PDE6H: variants seen among roughly 807,000 people sequenced by gnomAD.
PDE6H encodes the protein phosphodiesterase 6H, also known as retinal cone rhodopsin-sensitive cGMP 3',5'-cyclic phosphodiesterase subunit gamma.
PDE6H carries 11 observed loss-of-function variants against 9.2 expected under a neutral mutation model. The ratio of observed to expected loss-of-function variants is 1.19; its 90% confidence interval spans 0.75 to 1.97. The LOEUF (loss-of-function observed/expected upper bound fraction) is 1.97, where lower values mean the gene tolerates loss of function less well. PDE6H is among the 30% of genes most tolerant of loss of function. PDE6H has a pLI of 0.00. For synonymous variants in PDE6H, 36 were observed against 33.6 expected (o/e 1.07, Z -0.25); for missense variants, 98 against 101.5 (o/e 0.97, Z 0.15).
intron 1 of PDE6H, among the ~76,000 whole-genome samples, chr12:14,976,955 A>C (rs1310980652): frequency 6.6e-6 from 1 of 152,214 alleles, no homozygotes; most frequent in East Asian, 1.9e-4. Flanking sequence ...TATCTTTTTC[A>C]ATAATTTTCT....
At chr12:14,978,879 T>G (rs1399095058) in intron 2 of PDE6H, among the ~76,000 whole-genome samples, 1 of 152,214 alleles carries the variant, frequency 6.6e-6, no homozygotes, top group Non-Finnish European at 1.5e-5. Context: ...CTTTCTCATT[T>G]CAATTTTTAT....
intron 1 of PDE6H, among the ~76,000 whole-genome samples, chr12:14,976,466 T>C (rs370563653): frequency 6.6e-6 from 1 of 152,160 alleles, no homozygotes; most frequent in East Asian, 1.9e-4. Flanking sequence ...GAATATGCAG[T>C]GTGGCCAGTA....
intron 2 of PDE6H, among the ~76,000 whole-genome samples, chr12:14,978,792 A>G (rs898319756): frequency 3.3e-5 from 5 of 152,256 alleles, no homozygotes; most frequent in Admixed American, 6.5e-5. Context: ...TGCCTGGTAT[A>G]TAATAGATGC....
At chr12:14,979,050 G>C in intron 2 of PDE6H, 129 bp from the exon 3 acceptor site, 1 of 715,428 alleles carries the variant, frequency 1.4e-6, no homozygotes, top group Non-Finnish European at 2.5e-6. Flanking sequence ...GCAAACTAAA[G>C]GAGTTTCTCA....
chr12:14,980,058 C>A (rs1400505555), intron 3 of PDE6H, among the ~76,000 whole-genome samples: 1 of 152,010 alleles, frequency 6.6e-6, no homozygotes, highest in Non-Finnish European at 1.5e-5. Flanking sequence ...TACCATGTAC[C>A]CACCATTATA....
In PDE6H at chr12:14,978,107, G is replaced by A. The variant is rs752287362; in HGVS notation, c.95G>A (p.Arg32His). The change falls in exon 2 of 4, where the codon CGC becomes CAC. Residue 32 changes from arginine to histidine, a missense_variant. Coordinates refer to ENST00000266395, the MANE Select transcript of PDE6H (RefSeq NM_006205.3). ...CCCAAGTTCAAGCAGAGGCAGACTC[G>A]CCAATTCAAGAGTAAACCTCCAAAG... ...GPPKFKQRQTRQFKSKPPKKG... is the reference protein window; with the variant it reads ...GPPKFKQRQTHQFKSKPPKKG... 19 of 1,613,544 alleles carry A rather than the reference G, an allele frequency of 1.2e-5. No homozygotes were observed. In the Admixed American group the frequency reaches 1.3e-4, roughly 11 times the overall value.
intron 1 of PDE6H, among the ~76,000 whole-genome samples, 169 bp from the exon 2 acceptor site, chr12:14,977,803 T>G (rs1864618106): frequency 6.6e-6 from 1 of 152,228 alleles, no homozygotes; most frequent in Non-Finnish European, 1.5e-5. Context: ...ATACTCTGTT[T>G]TCTTAAAGAT....
chr12:14,981,217 G>A (rs1166193319), intron 3 of PDE6H, among the ~76,000 whole-genome samples, 183 bp from the exon 4 acceptor site: 1 of 152,232 alleles, frequency 6.6e-6, no homozygotes, highest in Non-Finnish European at 1.5e-5. Flanking sequence ...GAGATGCCTG[G>A]TGCAACAATT....
intron 1 of PDE6H, among the ~76,000 whole-genome samples, chr12:14,976,985 T>C (rs545066637): frequency 2.0e-5 from 3 of 152,384 alleles, no homozygotes; most frequent in Admixed American, 6.5e-5. Flanking sequence ...ATTTGAAGAA[T>C]GGCAATGTGC....
rs1205871097 is a variant in PDE6H, at chr12:14,978,004, G to A, written c.-9G>A. 4.3e-6 allele frequency: 7 copies of A among 1,613,060 alleles called. No homozygotes were observed. The highest frequency in any genetic ancestry group is 1.7e-5 in the Admixed American group (1 of 60,000). On this transcript the variant is annotated 5_prime_UTR_variant, in exon 2 of 4. Coordinates refer to ENST00000266395, the MANE Select transcript of PDE6H (RefSeq NM_006205.3). ...AAAGGGAAACATCAGCCGCCCGGGG[G>A]GAGTTAAAATGAGTGACAACACTAC...
intron 3 of PDE6H, 145 bp downstream of exon 3, chr12:14,979,364 T>C: frequency 1.4e-6 from 1 of 695,362 alleles, no homozygotes; most frequent in Non-Finnish European, 2.6e-6. Context: ...GGGATTTAAT[T>C]TACCCTCGAA....
chr12:14,977,184 T>G (rs1373414966), intron 1 of PDE6H, among the ~76,000 whole-genome samples: 1 of 152,244 alleles, frequency 6.6e-6, no homozygotes, highest in Non-Finnish European at 1.5e-5. Context: ...TATTAAGATG[T>G]GTTGAATATA....
At chr12:14,977,947 T>C (rs932359218) in intron 1 of PDE6H, 25 bp from the exon 2 acceptor site, 2 of 1,502,856 alleles carry the variant, frequency 1.3e-6, no homozygotes, top group East Asian at 2.3e-5. Flanking sequence ...AAAGATCTTC[T>C]TTTTTTTATC....
In PDE6H at chr12:14,981,702, C is replaced by T. The variant is rs1864687869; in HGVS notation, c.*226C>T. ...TTCAAACTTGACCACCTTTTCCTACCAGCTAGTTAGAAGTCATCAATATTT... is the reference window on the plus strand; with the variant it reads ...TTCAAACTTGACCACCTTTTCCTACTAGCTAGTTAGAAGTCATCAATATTT... On this transcript the variant is annotated 3_prime_UTR_variant, in exon 4 of 4. Transcript: ENST00000266395. 5.0e-6 allele frequency: 3 copies of T among 604,474 alleles called. No individual in the cohort carries two copies. The highest frequency in any genetic ancestry group is 8.9e-6 in the Non-Finnish European group (3 of 338,186). 37.4% of individuals were successfully genotyped at this position (604,474 alleles called of 1,614,324 possible). A position where few individuals can be genotyped will look rare whatever the true frequency, so the allele number is the denominator to read the frequency against.
At chr12:14,978,235 T>A in intron 2 of PDE6H, 89 bp downstream of exon 2, 2 of 1,193,764 alleles carry the variant, frequency 1.7e-6, no homozygotes, top group African/African-American at 1.5e-5. Flanking sequence ...CTCACAATAT[T>A]AAACAGACTT....
intron 1 of PDE6H, among the ~76,000 whole-genome samples, chr12:14,975,319 C>T (rs1452345059): frequency 6.7e-6 from 1 of 150,132 alleles, no homozygotes; most frequent in East Asian, 1.9e-4. Context: ...ATATACTTTA[C>T]TAAAAAAAAT....
intron 1 of PDE6H, among the ~76,000 whole-genome samples, chr12:14,974,791 T>C (rs957341474): frequency 1.3e-5 from 2 of 152,230 alleles, no homozygotes; most frequent in Admixed American, 6.5e-5. Flanking sequence ...CTCTGGTGTA[T>C]GGCAAGGGCC....
chr12:14,977,104 G>A (rs1864607539), intron 1 of PDE6H, among the ~76,000 whole-genome samples: 2 of 152,216 alleles, frequency 1.3e-5, no homozygotes, highest in African/African-American at 2.4e-5. Flanking sequence ...AGAACCTTAT[G>A]TCTCGACGTA....
intron 1 of PDE6H, among the ~76,000 whole-genome samples, chr12:14,976,554 T>C (rs1215112580): frequency 6.6e-6 from 1 of 152,142 alleles, no homozygotes; most frequent in East Asian, 1.9e-4. Context: ...GCTGGTGTGA[T>C]GGGTCATGCC....
Sources: gnomAD v4.1 joint callset for allele counts (sites outside exome capture counted in the v4.1 genomes callset) on GRCh38, gnomAD v4.1.1 for gene constraint, MANE v1.5 for transcripts, NCBI Gene and HGNC (gene_info 2026-07-23, HGNC 2026-07-21) for gene names.